VWC2L: variants seen among roughly 807,000 people sequenced by gnomAD.
VWC2L encodes the protein von Willebrand factor C domain-containing protein 2-like.
Under a neutral mutation model 21.6 loss-of-function variants are expected in VWC2L, and 10 were observed. The observed-to-expected ratio is 0.46, with a 90% CI of 0.29 to 0.78. The LOEUF (loss-of-function observed/expected upper bound fraction) is 0.78. Ranked by LOEUF, VWC2L falls within the 30% of genes least tolerant of loss-of-function variation. VWC2L has a pLI of 0.10. For synonymous variants in VWC2L, 96 were observed against 94.3 expected (o/e 1.02, Z -0.10); for missense variants, 209 against 277.1 (o/e 0.75, Z 1.74).
chr2:214,438,509 G>A (rs1394648785), intron 3 of VWC2L, among the ~76,000 whole-genome samples: 1 of 151,830 alleles, frequency 6.6e-6, no homozygotes, highest in African/African-American at 2.4e-5. Flanking sequence ...CACAATTATG[G>A]TTATAGTTAA....
intron 3 of VWC2L, among the ~76,000 whole-genome samples, chr2:214,542,148 A>G (rs1343116191): frequency 6.6e-6 from 1 of 152,178 alleles, no homozygotes; most frequent in African/African-American, 2.4e-5. Context: ...TTATTAACAC[A>G]GTTCCTTCGG....
chr2:214,492,972 G>A (rs1038111514), intron 3 of VWC2L, among the ~76,000 whole-genome samples: 11 of 152,168 alleles, frequency 7.2e-5, no homozygotes, highest in South Asian at 4.1e-4. Context: ...CTGGCCAAGC[G>A]TTTATCAATG....
Position 214,411,456 on chromosome 2 carries a change from A to C in VWC2L, c.-411A>C, listed in dbSNP as rs1412461923. On this transcript the variant is annotated 5_prime_UTR_variant, in exon 1 of 4. Transcript: ENST00000312504. Reference sequence around the variant, plus strand: ...CCGGGAAATTTCATAGAAGGATCTAAGAAAATGCTAAAAATAAGTTCAACA... The same window carrying C: ...CCGGGAAATTTCATAGAAGGATCTACGAAAATGCTAAAAATAAGTTCAACA... 3 of 152,346 alleles carry C rather than the reference A, an allele frequency of 2.0e-5. No individual in the cohort carries two copies. The highest frequency in any genetic ancestry group is 2.1e-4 in the South Asian group (1 of 4,828). The allele number at this position is 152,346 out of a possible 1,614,324, so 9.4% of individuals were successfully genotyped here. A position where few individuals can be genotyped will look rare whatever the true frequency, so the allele number is the denominator to read the frequency against.
chr2:214,458,086 C>T (rs1408331748), intron 3 of VWC2L, among the ~76,000 whole-genome samples: 2 of 151,966 alleles, frequency 1.3e-5, no homozygotes, highest in Non-Finnish European at 2.9e-5. Flanking sequence ...CTGGGCGTTT[C>T]TTTGTTGGGA....
intron 3 of VWC2L, among the ~76,000 whole-genome samples, chr2:214,515,352 T>C (rs1689123819): frequency 6.6e-6 from 1 of 152,026 alleles, no homozygotes; most frequent in African/African-American, 2.4e-5. Context: ...AAGTACAATA[T>C]AGCACACAGT....
chr2:214,500,761 T>G (rs1688880339), intron 3 of VWC2L, among the ~76,000 whole-genome samples: 1 of 152,216 alleles, frequency 6.6e-6, no homozygotes, highest in Non-Finnish European at 1.5e-5. Flanking sequence ...CAGTATCAGG[T>G]AGACAACTAG....
rs942594164 is a variant in VWC2L, at chr2:214,576,051, A to G, written c.*231A>G. 6.0e-5 allele frequency: 17 copies of G among 284,886 alleles called. No homozygotes were observed. The highest frequency in any genetic ancestry group is 7.7e-5 in the Non-Finnish European group (12 of 156,320). The allele number at this position is 284,886 out of a possible 1,614,324, so 17.6% of individuals were successfully genotyped here. On this transcript the variant is annotated 3_prime_UTR_variant, in exon 4 of 4. Transcript: ENST00000312504. ...TATCTAAATCGCTTTTGTATTTACC[A>G]ATGCTTGATGGTGACTTGACGACTG...
At chr2:214,454,105 A>C (rs955755930) in intron 3 of VWC2L, among the ~76,000 whole-genome samples, 1 of 152,028 alleles carries the variant, frequency 6.6e-6, no homozygotes, top group Non-Finnish European at 1.5e-5. Context: ...ATTGATATTT[A>C]TATATTGCTC....
chr2:214,496,623 C>T (rs1688817156), intron 3 of VWC2L, among the ~76,000 whole-genome samples: 2 of 152,202 alleles, frequency 1.3e-5, no homozygotes, highest in Admixed American at 1.3e-4. Context: ...ACTAAAGCAT[C>T]TGATTTTCCC....
chr2:214,439,467 T>A (rs1702729288), intron 3 of VWC2L, among the ~76,000 whole-genome samples: 1 of 151,972 alleles, frequency 6.6e-6, no homozygotes, highest in Non-Finnish European at 1.5e-5. Context: ...ATACTATGGA[T>A]TCAAGGTAGA....
At chr2:214,464,621 C>T (rs1226723905) in intron 3 of VWC2L, among the ~76,000 whole-genome samples, 1 of 152,086 alleles carries the variant, frequency 6.6e-6, no homozygotes, top group Non-Finnish European at 1.5e-5. Context: ...CACCCAAGGC[C>T]CATGGCAACC....
At chr2:214,528,874 G>T (rs1030672036) in intron 3 of VWC2L, among the ~76,000 whole-genome samples, 1 of 152,114 alleles carries the variant, frequency 6.6e-6, no homozygotes, top group Non-Finnish European at 1.5e-5. Flanking sequence ...TTGCAATTAA[G>T]TTCATGATAG....
chr2:214,418,645 A>T (rs1702390693), intron 2 of VWC2L, among the ~76,000 whole-genome samples: 1 of 152,130 alleles, frequency 6.6e-6, no homozygotes. Context: ...GCTATGTAAC[A>T]GTCATTTAAT....
intron 3 of VWC2L, among the ~76,000 whole-genome samples, chr2:214,489,831 C>G (rs1406493382): frequency 6.6e-6 from 1 of 152,168 alleles, no homozygotes; most frequent in Non-Finnish European, 1.5e-5. Context: ...TTAGGGCCAT[C>G]TATTTTTAAT....
intron 3 of VWC2L, among the ~76,000 whole-genome samples, chr2:214,447,603 GA>G (rs1205414565): frequency 6.6e-6 from 1 of 152,060 alleles, no homozygotes; most frequent in Non-Finnish European, 1.5e-5. Context: ...TGTGCAGGCT[GA>G]CAAAAATAAA....
At chr2:214,563,278 T>G (rs947421638) in intron 3 of VWC2L, among the ~76,000 whole-genome samples, 7 of 152,060 alleles carry the variant, frequency 4.6e-5, no homozygotes, top group African/African-American at 1.7e-4. Context: ...CCGGGTGCGG[T>G]GGTGCACGCC....
intron 2 of VWC2L, among the ~76,000 whole-genome samples, chr2:214,421,441 A>G (rs1431927871): frequency 1.3e-5 from 2 of 152,262 alleles, no homozygotes; most frequent in African/African-American, 4.8e-5. Context: ...GTAGTTTTTC[A>G]TACTCACTTA....
chr2:214,419,918 G>A (rs1489197659), intron 2 of VWC2L, among the ~76,000 whole-genome samples: 1 of 152,082 alleles, frequency 6.6e-6, no homozygotes, highest in African/African-American at 2.4e-5. Context: ...AATTAGCTGG[G>A]TGTGGTGGCG....
chr2:214,425,553 T>C (rs1429532633), intron 2 of VWC2L, among the ~76,000 whole-genome samples: 1 of 152,144 alleles, frequency 6.6e-6, no homozygotes, highest in African/African-American at 2.4e-5. Context: ...TGTTCTCTTT[T>C]GATAAGTCAA....
Sources: gnomAD v4.1 joint callset for allele counts (sites outside exome capture counted in the v4.1 genomes callset) on GRCh38, gnomAD v4.1.1 for gene constraint, MANE v1.5 for transcripts, NCBI Gene and HGNC (gene_info 2026-07-23, HGNC 2026-07-21) for gene names.